ADARB2: variants seen among roughly 807,000 people sequenced by gnomAD.
ADARB2 encodes inactive double-stranded RNA-specific editase B2.
Under a neutral mutation model 62.2 loss-of-function variants are expected in ADARB2, and 25 were observed. The ratio of observed to expected loss-of-function variants is 0.40; its 90% CI spans 0.29 to 0.56. The LOEUF (loss-of-function observed/expected upper bound fraction) is 0.56, where lower values mean the gene tolerates loss of function less well. Among genes scored for constraint, ADARB2 ranks in the 20% least tolerant of loss-of-function variants. The pLI, the probability that ADARB2 is intolerant of heterozygous loss-of-function variation, is 0.43. For synonymous variants in ADARB2, 572 were observed against 500.8 expected (o/e 1.14, Z -1.90); for missense variants, 1,071 against 1,077.4 (o/e 0.99, Z 0.08).
rs1832599843 is a variant in ADARB2, at chr10:1,395,031, C to T, written c.101-15871G>A. 1.3e-5 allele frequency: 6 copies of T among 451,970 alleles called. No individual in the cohort carries two copies. In the Admixed American group the frequency reaches 1.4e-4, roughly 11 times the overall value. 28.0% of individuals were successfully genotyped at this position (451,970 alleles called of 1,614,324 possible). ...AACTCCTGGGCTCAGTTGATCCTGC[C>T]TCGGCCTCCCAAGTAGCTGGGACTA... is the stretch of plus-strand genomic sequence containing the variant. On this transcript the variant is annotated intron_variant, in intron 1 of 9. Coordinates refer to ENST00000381312, the MANE Select transcript of ADARB2 (RefSeq NM_018702.4).
At position 1,628,807 on chromosome 10, in the gene ADARB2, G is replaced by A. The variant is rs78251742; in HGVS notation, c.100+108244C>T. ...TATGGAGAAAAATGAAACCAGTCCC[G>A]CCATTTGCTCACGGCGGCCTCCGGC... On this transcript the variant is annotated intron_variant, in intron 1 of 9. Coordinates refer to ENST00000381312, the MANE Select transcript of ADARB2 (RefSeq NM_018702.4). 3.9e-4 allele frequency among the ~76,000 whole-genome samples: 59 copies of A among 152,336 alleles called. No individual in the cohort carries two copies. In the East Asian group the frequency reaches 0.011, roughly 28 times the overall value.
chr10:1,359,372 G>A (rs1832227824), intron 3 of ADARB2, among the ~76,000 whole-genome samples: 1 of 152,158 alleles, frequency 6.6e-6, no homozygotes, highest in South Asian at 2.1e-4. Flanking sequence ...TGGCTGACTC[G>A]GATCCCATGA....
intron 1 of ADARB2, among the ~76,000 whole-genome samples, chr10:1,483,786 T>G (rs1323473468): frequency 6.6e-6 from 1 of 152,276 alleles, no homozygotes; most frequent in African/African-American, 2.4e-5. Flanking sequence ...GTCAAGTTAG[T>G]GTTGAGCTTG....
At chr10:1,225,137 T>C (rs905554695) in intron 6 of ADARB2, among the ~76,000 whole-genome samples, 6 of 152,198 alleles carry the variant, frequency 3.9e-5, no homozygotes, top group African/African-American at 1.4e-4. Context: ...TAGTTAGCTC[T>C]TCTTGTTGAA....
In ADARB2 at chr10:1,426,158, T is replaced by C. The variant is rs2131887485; in HGVS notation, c.101-46998A>G. ...AGAGAAGGGGAATCAAGATCTGATG[T>C]GTAAAAGAGCCTGTGGTTTAAAATA... On this transcript the variant is annotated intron_variant, in intron 1 of 9. Coordinates refer to ENST00000381312, the MANE Select transcript of ADARB2 (RefSeq NM_018702.4). The surrounding 1 kb of genome is among the most constrained non-coding windows in gnomAD (Gnocchi z 4.1). Among the ~76,000 whole-genome samples, 1 of 152,256 alleles carries C rather than the reference T, an allele frequency of 6.6e-6. No homozygotes were observed. The highest frequency in any genetic ancestry group is 2.1e-4 in the South Asian group (1 of 4,824).
intron 1 of ADARB2, among the ~76,000 whole-genome samples, chr10:1,504,937 T>C (rs1831818747): frequency 6.6e-6 from 1 of 151,418 alleles, no homozygotes; most frequent in African/African-American, 2.4e-5. Context: ...CACACACACG[T>C]ACATATACAC....
chr10:1,418,661 G>T (rs1447452766), intron 1 of ADARB2, among the ~76,000 whole-genome samples: 2 of 152,204 alleles, frequency 1.3e-5, no homozygotes, highest in Non-Finnish European at 2.9e-5. Flanking sequence ...AGACTGGCCA[G>T]AGTAGTCCGT....
At chr10:1,575,332 T>A (rs1298225523) in intron 1 of ADARB2, among the ~76,000 whole-genome samples, 1 of 152,226 alleles carries the variant, frequency 6.6e-6, no homozygotes, top group South Asian at 2.1e-4. Context: ...ATTAAAAAGG[T>A]AGTGGCTGGA....
At chr10:1,612,052 G>C (rs1833579476) in intron 1 of ADARB2, among the ~76,000 whole-genome samples, 1 of 152,216 alleles carries the variant, frequency 6.6e-6, no homozygotes, top group Non-Finnish European at 1.5e-5. Flanking sequence ...GATGAGGTGG[G>C]TTCGGGCCGA....
intron 1 of ADARB2, among the ~76,000 whole-genome samples, chr10:1,525,209 G>A (rs1027105998): frequency 2.0e-5 from 3 of 152,190 alleles, no homozygotes; most frequent in Non-Finnish European, 2.9e-5. Context: ...TTTGGGGGAG[G>A]AGGAATTTCT....
At chr10:1,580,026 A>G (rs1833075357) in intron 1 of ADARB2, among the ~76,000 whole-genome samples, 1 of 152,194 alleles carries the variant, frequency 6.6e-6, no homozygotes, top group Non-Finnish European at 1.5e-5. Flanking sequence ...GGAATGTACA[A>G]CTTGGACGAG....
intron 1 of ADARB2, among the ~76,000 whole-genome samples, chr10:1,724,096 T>C (rs533575217): frequency 6.6e-6 from 1 of 152,210 alleles, no homozygotes; most frequent in African/African-American, 2.4e-5. Flanking sequence ...CCTCACAGTG[T>C]GACCATATTT....
chr10:1,509,869 C>T (rs935969558), intron 1 of ADARB2, among the ~76,000 whole-genome samples: 6 of 152,198 alleles, frequency 3.9e-5, no homozygotes, highest in African/African-American at 1.4e-4. Flanking sequence ...GGTACAAAAC[C>T]ATGGGCCTGG....
At chr10:1,556,541 T>A (rs1832706310) in intron 1 of ADARB2, 1 of 393,394 alleles carries the variant, frequency 2.5e-6, no homozygotes, top group African/African-American at 2.1e-5. Flanking sequence ...TGGGATCTTA[T>A]TAACTGGAGA....
At chr10:1,465,489 T>C (rs1831242562) in intron 1 of ADARB2, among the ~76,000 whole-genome samples, 1 of 152,196 alleles carries the variant, frequency 6.6e-6, no homozygotes, top group Non-Finnish European at 1.5e-5. Flanking sequence ...GGGACGTCAC[T>C]GTGTCCTTGG....
At chr10:1,371,126 C>T (rs939719728) in intron 2 of ADARB2, among the ~76,000 whole-genome samples, 1 of 152,068 alleles carries the variant, frequency 6.6e-6, no homozygotes, top group East Asian at 1.9e-4. Context: ...ACAGAGAACC[C>T]GGAAAGAAAG....
At chr10:1,659,017 G>A (rs1588342009) in intron 1 of ADARB2, among the ~76,000 whole-genome samples, 1 of 152,172 alleles carries the variant, frequency 6.6e-6, no homozygotes, top group African/African-American at 2.4e-5. Flanking sequence ...AAGCACTACG[G>A]AGAGTATGAC....
chr10:1,388,021 A>C (rs954398087), intron 1 of ADARB2, among the ~76,000 whole-genome samples: 2 of 152,116 alleles, frequency 1.3e-5, no homozygotes, highest in African/African-American at 4.8e-5. Context: ...TGCAGAAAAA[A>C]CATTTGAGAA....
At position 1,628,000 on chromosome 10, in the gene ADARB2, C is replaced by T. The variant is rs75692156; in HGVS notation, c.100+109051G>A. 4.2e-3 allele frequency among the ~76,000 whole-genome samples: 645 copies of T among 152,340 alleles called. 17 individuals carry two copies. The East Asian group carries it at 0.062, about 15-fold the overall frequency. ...TCTGAAATCAGCTTGACCCTCCATC[C>T]TGGAAAACTGCCGGCTGATGTGGGC... On this transcript the variant is annotated intron_variant, in intron 1 of 9. Coordinates refer to ENST00000381312, the MANE Select transcript of ADARB2 (RefSeq NM_018702.4).
Sources: allele counts gnomAD v4.1 joint callset (sites outside exome capture counted in the v4.1 genomes callset), GRCh38; gene constraint gnomAD v4.1.1; non-coding constraint Gnocchi (gnomAD v3.1); transcripts MANE v1.5; gene names NCBI Gene and HGNC (gene_info 2026-07-23, HGNC 2026-07-21).